CLVS1: variants seen among roughly 807,000 people sequenced by gnomAD.
CLVS1 encodes clavesin-1.
A neutral mutation model predicts 33.1 loss-of-function variants in CLVS1; 10 were observed. The ratio of observed to expected loss-of-function variants is 0.30; its 90% CI spans 0.19 to 0.51. CLVS1 has a LOEUF of 0.51. Ranked by LOEUF, CLVS1 falls within the 20% of genes least tolerant of loss-of-function variation. The probability of loss-of-function intolerance (pLI) is 0.97; values close to 1 mark genes in which losing one functional copy is unlikely to be tolerated. For missense variants in CLVS1, 343 were observed against 433.4 expected (o/e 0.79, Z 1.85); for synonymous variants, 163 against 166.1 (o/e 0.98, Z 0.14).
intron 1 of CLVS1, among the ~76,000 whole-genome samples, chr8:61,109,298 C>T (rs2129287892): frequency 6.6e-6 from 1 of 152,112 alleles, no homozygotes; most frequent in Admixed American, 6.5e-5. Flanking sequence ...CATCAAAGGC[C>T]CTGGCACCTG....
At chr8:61,163,521 G>C (rs1367760692) in intron 2 of CLVS1, among the ~76,000 whole-genome samples, 1 of 152,174 alleles carries the variant, frequency 6.6e-6, no homozygotes, top group African/African-American at 2.4e-5. Flanking sequence ...ATGTGTATTT[G>C]TTACGGGTGA....
chr8:61,462,612 C>T (rs2129607359), intron 5 of CLVS1, among the ~76,000 whole-genome samples: 1 of 152,260 alleles, frequency 6.6e-6, no homozygotes, highest in African/African-American at 2.4e-5. Flanking sequence ...TGTACATATC[C>T]ACCAGAGCTC....
At chr8:61,264,345 T>A (rs909637604) in intron 2 of CLVS1, among the ~76,000 whole-genome samples, 1 of 152,112 alleles carries the variant, frequency 6.6e-6, no homozygotes, top group East Asian at 1.9e-4. Flanking sequence ...ATACCAGATA[T>A]GCACACCGAA....
At chr8:61,332,732 C>A (rs999369490) in intron 2 of CLVS1, among the ~76,000 whole-genome samples, 5 of 152,152 alleles carry the variant, frequency 3.3e-5, no homozygotes, top group Non-Finnish European at 7.4e-5. Flanking sequence ...CCTCTGCCTC[C>A]TGGGTTCAAG....
chr8:61,483,953 T>G (rs2101707), intron 5 of CLVS1, among the ~76,000 whole-genome samples: 18 of 151,436 alleles, frequency 1.2e-4, no homozygotes, highest in African/African-American at 4.4e-4. Context: ...TCTCAAAATA[T>G]GAGCTATTTA....
At chr8:61,204,953 T>C (rs1384820452) in intron 2 of CLVS1, among the ~76,000 whole-genome samples, 1 of 152,226 alleles carries the variant, frequency 6.6e-6, no homozygotes, top group Non-Finnish European at 1.5e-5. Context: ...TAGAAATGGT[T>C]GAACTTTTCA....
At chr8:60,971,264 C>T in the CLVS1 span, among the ~76,000 whole-genome samples, 11 of 151,924 alleles carry the variant, frequency 7.2e-5, no homozygotes, top group Admixed American at 2.6e-4. Context: ...TTTTTTGTAG[C>T]GATAGGGTTT....
the CLVS1 span, among the ~76,000 whole-genome samples, chr8:61,016,559 A>C: frequency 6.6e-6 from 1 of 152,222 alleles, no homozygotes; most frequent in Non-Finnish European, 1.5e-5. Flanking sequence ...TCATGTATTC[A>C]TGCCTGTCTA....
At chr8:61,335,984 A>G (rs1811783877) in intron 2 of CLVS1, among the ~76,000 whole-genome samples, 1 of 152,174 alleles carries the variant, frequency 6.6e-6, no homozygotes, top group Non-Finnish European at 1.5e-5. Flanking sequence ...GTTGGGAGAC[A>G]AGAGTCAGGG....
intron 5 of CLVS1, among the ~76,000 whole-genome samples, chr8:61,478,415 G>A (rs1413953175): frequency 6.6e-6 from 1 of 152,116 alleles, no homozygotes; most frequent in Non-Finnish European, 1.5e-5. Context: ...TTGACAGTGG[G>A]GTGTTGAAGT....
intron 3 of CLVS1, among the ~76,000 whole-genome samples, chr8:61,390,254 T>C (rs1376086422): frequency 2.0e-5 from 3 of 152,234 alleles, no homozygotes; most frequent in African/African-American, 7.2e-5. Context: ...TAAACAGCTT[T>C]CTAGCCCTTT....
intron 3 of CLVS1, among the ~76,000 whole-genome samples, chr8:61,430,254 C>A (rs763565400): frequency 6.6e-6 from 1 of 152,136 alleles, no homozygotes; most frequent in East Asian, 1.9e-4. Context: ...ACAGATGCAT[C>A]GGTTCTCTAG....
intron 1 of CLVS1, among the ~76,000 whole-genome samples, chr8:61,088,928 A>G (rs1805179558): frequency 6.6e-6 from 1 of 151,692 alleles, no homozygotes; most frequent in Admixed American, 6.6e-5. Flanking sequence ...CAGCCTCCCA[A>G]GTAGCTGGGA....
At chr8:61,454,069 C>A in intron 3 of CLVS1, 72 bp from the exon 4 acceptor site, 1 of 1,012,638 alleles carries the variant, frequency 9.9e-7, no homozygotes, top group Non-Finnish European at 1.6e-6. Context: ...TTCTTTGGGG[C>A]ATTGGTCCTG....
intron 4 of CLVS1, among the ~76,000 whole-genome samples, chr8:61,456,299 C>A (rs553724000): frequency 6.6e-6 from 1 of 152,254 alleles, no homozygotes; most frequent in Non-Finnish European, 1.5e-5. Flanking sequence ...TGGAGGGGTA[C>A]AAATGTTTTC....
At chr8:61,019,729 A>G in the CLVS1 span, among the ~76,000 whole-genome samples, 1 of 152,048 alleles carries the variant, frequency 6.6e-6, no homozygotes, top group African/African-American at 2.4e-5. Context: ...TCCCAAACAT[A>G]TCATCATCCA....
intron 1 of CLVS1, among the ~76,000 whole-genome samples, chr8:61,075,823 GACTA>G (rs1804899851): frequency 6.6e-6 from 1 of 152,156 alleles, no homozygotes; most frequent in South Asian, 2.1e-4. Context: ...TTCAAGCTGA[GACTA>G]ACTTTTTCTC....
At chr8:61,424,724 A>AT (rs976053069) in intron 3 of CLVS1, among the ~76,000 whole-genome samples, 1 of 152,148 alleles carries the variant, frequency 6.6e-6, no homozygotes, top group African/African-American at 2.4e-5. Flanking sequence ...AATGGGTCTT[A>AT]TTAGGTAAAG....
At chr8:60,995,980 G>A in the CLVS1 span, among the ~76,000 whole-genome samples, 2 of 152,164 alleles carry the variant, frequency 1.3e-5, no homozygotes, top group African/African-American at 4.8e-5. Flanking sequence ...CATGGACACA[G>A]GAAGGGGAAT....
Sources: allele counts gnomAD v4.1 joint callset (sites outside exome capture counted in the v4.1 genomes callset), GRCh38; gene constraint gnomAD v4.1.1; transcripts MANE v1.5; gene names NCBI Gene and HGNC (gene_info 2026-07-23, HGNC 2026-07-21).